The following TMEM182 variants were observed in gnomAD, a reference collection of about 807,000 sequenced individuals.
TMEM182 encodes transmembrane protein 182.
TMEM182 carries 20 observed loss-of-function variants against 26.8 expected under a neutral mutation model. The observed-to-expected ratio is 0.75, with a 90% confidence interval of 0.53 to 1.09. TMEM182 has a LOEUF of 1.09. TMEM182 is among the 50% of genes least tolerant of loss of function. The probability of loss-of-function intolerance (pLI) is 0.00; values close to 1 mark genes in which losing one functional copy is unlikely to be tolerated. For synonymous variants in TMEM182, 109 were observed against 102.2 expected (o/e 1.07, Z -0.40); for missense variants, 277 against 275.5 (o/e 1.01, Z -0.04).
chr2:102,818,499 A>G (rs1682823321), downstream of TMEM182, among the ~76,000 whole-genome samples: 1 of 152,192 alleles, frequency 6.6e-6, no homozygotes, highest in Non-Finnish European at 1.5e-5. Context: ...TAGGGGCTCC[A>G]TCTTCAGATC....
intron 3 of TMEM182, among the ~76,000 whole-genome samples, chr2:102,824,497 C>T (rs947331535): frequency 3.9e-4 from 60 of 152,016 alleles, no homozygotes; most frequent in African/African-American, 1.4e-3. Context: ...AGCACCTTCC[C>T]CTTCTCTCTC....
rs557680930 is a variant in TMEM182 at position 102,791,990 on chromosome 2, A to G, written c.332-5873A>G. On this transcript the variant is annotated intron_variant, in intron 3 of 4. Transcript: ENST00000412401. ...TATCCTCCAAAAATTGCATAGGAAT[A>G]TAAAATTTGATATATACCTAAAAAT... Among the ~76,000 whole-genome samples the G allele has an allele frequency of 5.3e-5, 8 of 151,948 alleles. No individual in the cohort carries two copies. The South Asian group carries it at 1.7e-3, about 32-fold the overall frequency.
At chr2:102,757,425 A>C (rs960370816), upstream of TMEM182, 1 of 152,058 alleles carries the variant, frequency 6.6e-6, no homozygotes, top group Non-Finnish European at 1.5e-5. Context: ...AAGATCTTTA[A>C]CTCCTCCAAC....
chr2:102,795,998 C>T (rs935742699), intron 3 of TMEM182, among the ~76,000 whole-genome samples: 2 of 152,114 alleles, frequency 1.3e-5, no homozygotes, highest in South Asian at 2.1e-4. Flanking sequence ...TAAGTGCCCA[C>T]GCCTCCACTG....
At chr2:102,800,443 C>G (rs1573550170) in intron 4 of TMEM182, among the ~76,000 whole-genome samples, 4 of 152,240 alleles carry the variant, frequency 2.6e-5, no homozygotes, top group African/African-American at 9.6e-5. Flanking sequence ...TATCATCCCT[C>G]TGCTTGAATT....
chr2:102,816,387 G>C lies in TMEM182; in HGVS notation c.*1419G>C. The C allele has an allele frequency of 1.0e-6, 1 of 985,274 alleles. No homozygotes were observed. The highest frequency in any genetic ancestry group is 1.2e-6 in the Non-Finnish European group (1 of 829,918). 61.0% of individuals were successfully genotyped at this position (985,274 alleles called of 1,614,324 possible). A position where few individuals can be genotyped will look rare whatever the true frequency, so the allele number is the denominator to read the frequency against. On this transcript the variant is annotated 3_prime_UTR_variant, in exon 5 of 5. Coordinates refer to ENST00000412401, the MANE Select transcript of TMEM182 (RefSeq NM_144632.5). ...CATCAGCTCTTCCAATGCCGTGGGAGAGGTGATCCCAGTCTTCTCTGTACA... is the reference window on the plus strand; with the variant it reads ...CATCAGCTCTTCCAATGCCGTGGGACAGGTGATCCCAGTCTTCTCTGTACA...
At chr2:102,748,683 G>A (rs894192771) in intron 1 of TMEM182, among the ~76,000 whole-genome samples, 1 of 152,170 alleles carries the variant, frequency 6.6e-6, no homozygotes, top group East Asian at 1.9e-4. Flanking sequence ...CATTACAAGT[G>A]TTGTGACCTC....
At chr2:102,778,250 C>T (rs62153409) in intron 3 of TMEM182, among the ~76,000 whole-genome samples, 4,044 of 151,874 alleles carry the variant, frequency 0.027, 97 homozygotes, top group Non-Finnish European at 0.038. Context: ...AGCTTTTTAT[C>T]AATATGTGAT....
At chr2:102,747,613 GC>G (rs1431032531) in intron 1 of TMEM182, among the ~76,000 whole-genome samples, 2 of 152,028 alleles carry the variant, frequency 1.3e-5, no homozygotes, top group African/African-American at 4.8e-5. Flanking sequence ...TAGTTGAGAT[GC>G]CATGTAACCA....
At chr2:102,784,938 T>C (rs1397706262) in intron 3 of TMEM182, among the ~76,000 whole-genome samples, 2 of 152,198 alleles carry the variant, frequency 1.3e-5, no homozygotes, top group African/African-American at 4.8e-5. Context: ...TCTGACCTTC[T>C]ATCTTGTCCT....
intron 3 of TMEM182, 122 bp from the exon 4 acceptor site, chr2:102,797,741 C>G (rs1558777758): frequency 2.5e-6 from 3 of 1,194,530 alleles, no homozygotes; most frequent in Non-Finnish European, 3.5e-6. Context: ...GGCATTCTAT[C>G]TAGCAGTGCC....
intron 4 of TMEM182, among the ~76,000 whole-genome samples, 190 bp downstream of exon 4, chr2:102,798,190 A>G (rs553582385): frequency 6.6e-6 from 1 of 152,306 alleles, no homozygotes; most frequent in East Asian, 1.9e-4. Context: ...TGTGTCGGAC[A>G]CTTTTCAGGG....
At position 102,797,958 on chromosome 2, in the gene TMEM182, C is replaced by T. The variant is rs1681948250; in HGVS notation, c.427C>T (p.His143Tyr). 5.0e-6 allele frequency: 8 copies of T among 1,613,940 alleles called. No individual in the cohort carries two copies. The highest frequency in any genetic ancestry group is 6.8e-6 in the Non-Finnish European group (8 of 1,180,012). The change falls in exon 4 of 5, where the codon CAT becomes TAT. Residue 143 changes from histidine to tyrosine, a missense_variant. Coordinates refer to ENST00000412401, the MANE Select transcript of TMEM182 (RefSeq NM_144632.5). ...CATCTGTGCAGCCCCCTTCGCCAGC[C>T]ATTTTCTCTACAAAGCTGGGGGAGG... ...LIICAAPFAS[H>Y]FLYKAGGGSY... is the part of the protein sequence containing the mutation.
At chr2:102,805,870 C>T (rs1332080178) in intron 4 of TMEM182, among the ~76,000 whole-genome samples, 1 of 152,006 alleles carries the variant, frequency 6.6e-6, no homozygotes, top group Non-Finnish European at 1.5e-5. Flanking sequence ...GACCGCACCA[C>T]TGTACTCCAG....
intron 1 of TMEM182, among the ~76,000 whole-genome samples, chr2:102,752,205 A>ATTAT (rs779659233): frequency 8.0e-4 from 122 of 152,220 alleles, no homozygotes; most frequent in Non-Finnish European, 5.3e-4. Context: ...AGCAATCCTG[A>ATTAT]TGCTTATTGC....
rs1682785456 is a variant in TMEM182 at position 102,817,171 on chromosome 2, A to G, written c.*2203A>G. 2.0e-6 allele frequency: 2 copies of G among 985,270 alleles called. No individual in the cohort carries two copies. The highest frequency in any genetic ancestry group is 1.2e-4 in the Admixed American group (2 of 16,274). 61.0% of individuals were successfully genotyped at this position (985,270 alleles called of 1,614,324 possible). ...ATACTTAAAAATGGCAGAGTTATAT[A>G]GTACATTATTGTAGCAACCTTATAT... On this transcript the variant is annotated 3_prime_UTR_variant, in exon 5 of 5. Transcript: ENST00000412401.
chr2:102,833,387 A>C (rs553364652), intron 3 of TMEM182, among the ~76,000 whole-genome samples: 5 of 152,302 alleles, frequency 3.3e-5, no homozygotes, highest in Non-Finnish European at 4.4e-5. Flanking sequence ...GGAATTGTGC[A>C]TGGGGACTAG....
In TMEM182 at chr2:102,817,129, A is replaced by G. The variant is rs1389432843; in HGVS notation, c.*2161A>G. On this transcript the variant is annotated 3_prime_UTR_variant, in exon 5 of 5. Transcript: ENST00000412401. ...GGAATGAAGGAGAGTTGTGATTGCT[A>G]TGTCAATGAGTGAAATATACTTAAA... 4 of 985,290 alleles carry G rather than the reference A, an allele frequency of 4.1e-6. No homozygotes were observed. Among genetic ancestry groups the G allele is most frequent in the South Asian group, 9.4e-5 (2 of 21,294 alleles). The allele number at this position is 985,290 out of a possible 1,614,324, so 61.0% of individuals were successfully genotyped here. A position where few individuals can be genotyped will look rare whatever the true frequency, so the allele number is the denominator to read the frequency against.
intron 3 of TMEM182, among the ~76,000 whole-genome samples, chr2:102,838,290 C>T (rs1683284331): frequency 6.6e-6 from 1 of 152,218 alleles, no homozygotes; most frequent in Non-Finnish European, 1.5e-5. Flanking sequence ...CCTAGCTTCA[C>T]TGCTTGGTGC....
Sources: gnomAD v4.1 joint callset for allele counts (sites outside exome capture counted in the v4.1 genomes callset) on GRCh38, gnomAD v4.1.1 for gene constraint, MANE v1.5 for transcripts, NCBI Gene and HGNC (gene_info 2026-07-23, HGNC 2026-07-21) for gene names.